Variants in GAPVD1 observed in about 807,000 individuals in gnomAD.
GAPVD1 encodes GTPase activating protein and VPS9 domains 1, also known as GTPase-activating protein and VPS9 domain-containing protein 1.
Under a neutral mutation model 155.5 loss-of-function variants are expected in GAPVD1, and 35 were observed. That is an observed-to-expected ratio of 0.23 (90% CI 0.17 to 0.30). The LOEUF is 0.30. Ranked by LOEUF, GAPVD1 falls within the 10% of genes least tolerant of loss-of-function variation. The pLI, the probability that GAPVD1 is intolerant of heterozygous loss-of-function variation, is 1.00. For missense variants in GAPVD1, 1,429 were observed against 1,775.7 expected, an observed-to-expected ratio of 0.80 and a Z score of 3.51; for synonymous variants, 636 against 619.7, an observed-to-expected ratio of 1.03 and a Z score of -0.39.
At chr9:125,349,345 C>T in intron 20 of GAPVD1, 45 bp from the exon 21 acceptor site, 4 of 1,571,922 alleles carry the variant, frequency 2.5e-6, no homozygotes, top group Non-Finnish European at 3.5e-6. Context: ...CATAATATTC[C>T]AAATGAACCT....
chr9:125,350,404 G>A lies in GAPVD1; in HGVS notation c.3409G>A (p.Asp1137Asn). The change falls in exon 22 of 28, where the codon GAC becomes AAC. Residue 1137 changes from aspartate to asparagine, a missense_variant and splice_region_variant. Asp to Asn is a conservative substitution (Grantham distance 23, BLOSUM62 1). Coordinates refer to ENST00000297933, the MANE Select transcript of GAPVD1 (RefSeq NM_001282680.3). ...TTTACCAGACCACACAGACCCAGAA[G>A]GTAAATTGCTGCAGGATCGTTTAAT... ...NGLPDHTDPE[D>N]NEIVCFLKVQ... 1 of 1,575,034 alleles carries A rather than the reference G, an allele frequency of 6.3e-7. No homozygotes were observed. Among genetic ancestry groups the A allele is most frequent in the Non-Finnish European group, 8.7e-7 (1 of 1,144,694 alleles).
At chr9:125,323,728 G>C in intron 10 of GAPVD1, 70 bp from the exon 11 acceptor site, 1 of 1,452,936 alleles carries the variant, frequency 6.9e-7, no homozygotes, top group South Asian at 1.1e-5. Flanking sequence ...CTTTTATCAA[G>C]GCATGAAAAA....
At chr9:125,362,049 G>T (rs974150567) in intron 27 of GAPVD1, among the ~76,000 whole-genome samples, 4 of 152,144 alleles carry the variant, frequency 2.6e-5, no homozygotes, top group African/African-American at 9.7e-5. Context: ...TCTAGTTCCT[G>T]TGTAGAGCCA....
At chr9:125,338,930 T>C (rs1215988300) in intron 17 of GAPVD1, among the ~76,000 whole-genome samples, 1 of 88,782 alleles carries the variant, frequency 1.1e-5, no homozygotes, top group East Asian at 5.3e-4. Flanking sequence ...TAAAAAAATT[T>C]GTGTGTGTGT....
intron 17 of GAPVD1, among the ~76,000 whole-genome samples, chr9:125,339,731 C>T (rs753441435): frequency 2.0e-4 from 30 of 152,184 alleles, no homozygotes; most frequent in Non-Finnish European, 3.8e-4. Context: ...GAGTTTGTTT[C>T]GTCTTTCTTC....
In GAPVD1 at chr9:125,321,479, T is replaced by A. The variant is rs1241173639; in HGVS notation, c.1649T>A (p.Val550Asp). The A allele has an allele frequency of 6.2e-7, 1 of 1,612,174 alleles. No individual in the cohort carries two copies. Among genetic ancestry groups the A allele is most frequent in the Non-Finnish European group, 8.5e-7 (1 of 1,178,364 alleles). ...LSDGGQGDVP[V>D]DENKLHGKPD... ...GATGGAGGACAAGGAGATGTCCCTG[T>A]TGATGAAAACAAACTCCATGGTAAA... The change falls in exon 10 of 28, where the codon GTT becomes GAT. Residue 550 changes from valine (V) to aspartate (D), a missense_variant. This residue lies in a region of GAPVD1 where 628 missense variants were observed against 733.4 expected (regional missense o/e 0.86). Coordinates refer to ENST00000297933, the MANE Select transcript of GAPVD1 (RefSeq NM_001282680.3).
chr9:125,349,293 A>G lies in GAPVD1; in HGVS notation c.3170-97A>G, dbSNP rs111830679. On this transcript the variant is annotated intron_variant, in intron 20 of 27. Transcript: ENST00000297933. ...TCCAGAGAACTCTTATTATTAGTCAATGGTAATTTATTCTTGAGTTGCTCT... is the reference window on the plus strand; with the variant it reads ...TCCAGAGAACTCTTATTATTAGTCAGTGGTAATTTATTCTTGAGTTGCTCT... 71 of 973,856 alleles carry G rather than the reference A, an allele frequency of 7.3e-5. No individual in the cohort carries two copies. In the African/African-American group the frequency reaches 7.9e-4, roughly 11 times the overall value. 60.3% of individuals were successfully genotyped at this position (973,856 alleles called of 1,614,324 possible). A position where few individuals can be genotyped will look rare whatever the true frequency, so the allele number is the denominator to read the frequency against.
chr9:125,343,418 G>A (rs1411832912), intron 19 of GAPVD1, among the ~76,000 whole-genome samples: 1 of 152,006 alleles, frequency 6.6e-6, no homozygotes, highest in African/African-American at 2.4e-5. Flanking sequence ...ATTTAAAAAT[G>A]GGATAGATAA....
intron 15 of GAPVD1, among the ~76,000 whole-genome samples, chr9:125,333,933 A>G (rs531827242): frequency 6.6e-6 from 1 of 152,242 alleles, no homozygotes; most frequent in African/African-American, 2.4e-5. Flanking sequence ...TCTGGCCCCT[A>G]CCAGTAGTAT....
At chr9:125,279,059 G>T (rs1836289854) in intron 2 of GAPVD1, among the ~76,000 whole-genome samples, 1 of 149,832 alleles carries the variant, frequency 6.7e-6, no homozygotes, top group Non-Finnish European at 1.5e-5. Flanking sequence ...TGAAAATACA[G>T]AAATTAGCCA....
At chr9:125,290,569 AG>A (rs1256846441) in intron 2 of GAPVD1, among the ~76,000 whole-genome samples, 1 of 152,202 alleles carries the variant, frequency 6.6e-6, no homozygotes, top group Non-Finnish European at 1.5e-5. Flanking sequence ...AATAAGGATA[AG>A]GGAAGAGGTG....
chr9:125,350,107 G>A (rs1337516433), intron 21 of GAPVD1, among the ~76,000 whole-genome samples, 188 bp from the exon 22 acceptor site: 2 of 152,144 alleles, frequency 1.3e-5, no homozygotes, highest in African/African-American at 4.8e-5. Context: ...TCCTTGCCCC[G>A]AGCACACCTG....
intron 10 of GAPVD1, 66 bp from the exon 11 acceptor site, chr9:125,323,732 T>A: frequency 6.6e-7 from 1 of 1,510,090 alleles, no homozygotes; most frequent in Non-Finnish European, 9.2e-7. Context: ...TATCAAGGCA[T>A]GAAAAATTGT....
At chr9:125,301,468 A>G (rs536544566) in intron 4 of GAPVD1, among the ~76,000 whole-genome samples, 6 of 150,912 alleles carry the variant, frequency 4.0e-5, no homozygotes, top group Non-Finnish European at 5.9e-5. Flanking sequence ...TTTTTTTTCC[A>G]GACAGAGTCT....
intron 19 of GAPVD1, among the ~76,000 whole-genome samples, chr9:125,343,842 A>C (rs1310869647): frequency 6.6e-6 from 1 of 152,266 alleles, no homozygotes; most frequent in Non-Finnish European, 1.5e-5. Context: ...ATGTTAGAAG[A>C]ACACTAGCGT....
intron 19 of GAPVD1, among the ~76,000 whole-genome samples, chr9:125,343,983 C>G (rs1589063446): frequency 6.6e-6 from 1 of 152,230 alleles, no homozygotes; most frequent in East Asian, 1.9e-4. Context: ...CCTCTTTAGG[C>G]AATATATTTT....
At chr9:125,307,666 A>T (rs759397522) in intron 7 of GAPVD1, 25 bp from the exon 8 acceptor site, 1 of 1,597,142 alleles carries the variant, frequency 6.3e-7, no homozygotes, top group Non-Finnish European at 8.6e-7. Context: ...TGATTTCATT[A>T]GCTAATGTTC....
intron 25 of GAPVD1, among the ~76,000 whole-genome samples, chr9:125,357,665 A>T (rs1317464648): frequency 6.6e-6 from 1 of 152,110 alleles, no homozygotes; most frequent in Non-Finnish European, 1.5e-5. Flanking sequence ...TTATATCTCA[A>T]TAAAGCTGTT....
In GAPVD1 at chr9:125,365,356, GT is replaced by G. The variant is rs1485900172; in HGVS notation, c.*2612del. 1 of 146,212 alleles carries G rather than the reference GT, an allele frequency of 6.8e-6. No individual in the cohort carries two copies. Among genetic ancestry groups the G allele is most frequent in the Non-Finnish European group, 1.5e-5 (1 of 66,624 alleles). The allele number at this position is 146,212 out of a possible 1,614,324, so 9.1% of individuals were successfully genotyped here. Reference sequence around the variant, plus strand: ...TTTTTAATAGAAAAGAGGAATAGTTGTTCCCCAAATGTTTCTTCCTCCACTG... The same window carrying G: ...TTTTTAATAGAAAAGAGGAATAGTTGTCCCCAAATGTTTCTTCCTCCACTG... On this transcript the variant is annotated 3_prime_UTR_variant, in exon 28 of 28. Transcript: ENST00000297933.
Sources: allele counts gnomAD v4.1 joint callset (sites outside exome capture counted in the v4.1 genomes callset), GRCh38; gene constraint gnomAD v4.1.1; regional missense constraint gnomAD v4.1.1; transcripts MANE v1.5; gene names NCBI Gene and HGNC (gene_info 2026-07-23, HGNC 2026-07-21).